Variants in PDCD6IP observed in about 807,000 individuals in gnomAD.
PDCD6IP encodes the protein programmed cell death 6-interacting protein.
PDCD6IP carries 43 observed loss-of-function variants against 103.7 expected under a neutral mutation model. The observed-to-expected ratio is 0.41, with a 90% CI of 0.32 to 0.53. The LOEUF is 0.53. Among genes scored for constraint, PDCD6IP ranks in the 20% least tolerant of loss-of-function variants. The probability of loss-of-function intolerance (pLI) is 0.16; values close to 1 mark genes in which losing one functional copy is unlikely to be tolerated. For synonymous variants in PDCD6IP, 354 were observed against 378.7 expected (o/e 0.93, Z 0.76); for missense variants, 871 against 1,036.7 (o/e 0.84, Z 2.20).
At chr3:33,853,311 A>G (rs1381554755) in intron 13 of PDCD6IP, among the ~76,000 whole-genome samples, 1 of 152,268 alleles carries the variant, frequency 6.6e-6, no homozygotes, top group Admixed American at 6.5e-5. Context: ...CAAGTTTTTA[A>G]TAGCTTTGGT....
chr3:33,853,357 G>C (rs552016469), intron 13 of PDCD6IP, among the ~76,000 whole-genome samples: 1 of 152,090 alleles, frequency 6.6e-6, no homozygotes, highest in African/African-American at 2.4e-5. Context: ...GAAATTAGTT[G>C]GAATTACTGA....
At chr3:33,808,722 CAGTCATGGTGACTGTATGAAAATA>C (rs1395081405) in intron 1 of PDCD6IP, among the ~76,000 whole-genome samples, 1 of 152,222 alleles carries the variant, frequency 6.6e-6, no homozygotes, top group African/African-American at 2.4e-5. Context: ...TTCTACACAA[CAGTCATGGTGACTGTATGAAAATA>C]AGTCATATTG....
intron 8 of PDCD6IP, among the ~76,000 whole-genome samples, chr3:33,836,564 A>G (rs1697352635): frequency 6.6e-6 from 1 of 152,148 alleles, no homozygotes; most frequent in South Asian, 2.1e-4. Flanking sequence ...CATTAAAAAT[A>G]AACAAATATG....
rs1020635337 is a variant in PDCD6IP, at chr3:33,867,273, T to G, written c.*748T>G. 2 of 152,252 alleles carry G rather than the reference T, an allele frequency of 1.3e-5. No homozygotes were observed. Among genetic ancestry groups the G allele is most frequent in the Non-Finnish European group, 2.9e-5 (2 of 68,036 alleles). The allele number at this position is 152,252 out of a possible 1,614,324, so 9.4% of individuals were successfully genotyped here. A position where few individuals can be genotyped will look rare whatever the true frequency, so the allele number is the denominator to read the frequency against. Reference sequence around the variant, plus strand: ...AACAAACAGTTGCTACCAAAGATTCTTCAAATAAACATACAAATAAATGTG... The same window carrying G: ...AACAAACAGTTGCTACCAAAGATTCGTCAAATAAACATACAAATAAATGTG... On this transcript the variant is annotated 3_prime_UTR_variant, in exon 18 of 18. Coordinates refer to ENST00000307296, the MANE Select transcript of PDCD6IP (RefSeq NM_013374.6).
chr3:33,807,674 G>T (rs763641172), intron 1 of PDCD6IP, among the ~76,000 whole-genome samples: 10 of 152,124 alleles, frequency 6.6e-5, no homozygotes, highest in Non-Finnish European at 1.3e-4. Flanking sequence ...CATCAGACAG[G>T]TACTTTTTCT....
At chr3:33,817,202 A>G (rs887138502) in intron 3 of PDCD6IP, among the ~76,000 whole-genome samples, 2 of 152,154 alleles carry the variant, frequency 1.3e-5, no homozygotes, top group East Asian at 1.9e-4. Flanking sequence ...GCTCCTTGGG[A>G]CACTCCTCAT....
At chr3:33,804,265 C>T (rs1696542808) in intron 1 of PDCD6IP, among the ~76,000 whole-genome samples, 1 of 152,188 alleles carries the variant, frequency 6.6e-6, no homozygotes, top group Non-Finnish European at 1.5e-5. Context: ...AGGTTCCGCA[C>T]AGGAAGAGGA....
intron 13 of PDCD6IP, 82 bp from the exon 14 acceptor site, chr3:33,853,797 A>T: frequency 2.6e-6 from 3 of 1,138,922 alleles, no homozygotes; most frequent in Non-Finnish European, 3.5e-6. Context: ...GATTTTCATA[A>T]TTGGAAAAGA....
chr3:33,864,781 T>C (rs1014463613), intron 16 of PDCD6IP, among the ~76,000 whole-genome samples: 3 of 152,252 alleles, frequency 2.0e-5, no homozygotes, highest in African/African-American at 7.2e-5. Flanking sequence ...CAAATGATTC[T>C]GCAAATATAT....
intron 6 of PDCD6IP, 184 bp from the exon 7 acceptor site, chr3:33,828,669 G>T: frequency 2.3e-6 from 1 of 440,560 alleles, no homozygotes; most frequent in Non-Finnish European, 3.8e-6. Context: ...TTAATTCATA[G>T]ATTTCAATCC....
At chr3:33,846,911 C>G (rs1328470974) in intron 12 of PDCD6IP, among the ~76,000 whole-genome samples, 1 of 152,160 alleles carries the variant, frequency 6.6e-6, no homozygotes, top group Admixed American at 6.5e-5. Flanking sequence ...AGAGTAAATG[C>G]ACAGGTACTG....
chr3:33,825,669 T>C (rs1697104953), intron 5 of PDCD6IP, among the ~76,000 whole-genome samples: 12 of 152,252 alleles, frequency 7.9e-5, no homozygotes, highest in Admixed American at 7.8e-4. Context: ...GTCACTGTTC[T>C]AGTTTCTAGA....
intron 15 of PDCD6IP, among the ~76,000 whole-genome samples, chr3:33,856,978 A>G (rs1697843026): frequency 6.6e-6 from 1 of 152,076 alleles, no homozygotes; most frequent in Non-Finnish European, 1.5e-5. Context: ...TCAGCCAACT[A>G]GATCTTTATT....
chr3:33,865,052 A>G (rs1474800743), intron 16 of PDCD6IP, among the ~76,000 whole-genome samples, 191 bp from the exon 17 acceptor site: 1 of 152,196 alleles, frequency 6.6e-6, no homozygotes, highest in Non-Finnish European at 1.5e-5. Context: ...GTGGCTATGG[A>G]GTTTCCACAG....
intron 1 of PDCD6IP, among the ~76,000 whole-genome samples, chr3:33,805,080 G>A (rs1696562879): frequency 6.6e-6 from 1 of 152,130 alleles, no homozygotes; most frequent in African/African-American, 2.4e-5. Context: ...TTTCCGGCCG[G>A]GTGTGGTGGC....
rs539362317 is a variant in PDCD6IP, at chr3:33,815,870, T to C, written c.334+2242T>C. ...AAAGATATACATTCGGGAACAATTA[T>C]TAGGTGATAATAAATTTATTCCTTC... is the stretch of plus-strand genomic sequence containing the variant. On this transcript the variant is annotated intron_variant, in intron 3 of 17. Coordinates refer to ENST00000307296, the MANE Select transcript of PDCD6IP (RefSeq NM_013374.6). Among the ~76,000 whole-genome samples the C allele has an allele frequency of 1.3e-4, 20 of 152,304 alleles. No homozygotes were observed. The East Asian group carries it at 3.7e-3, about 28-fold the overall frequency.
At position 33,800,119 on chromosome 3, in the gene PDCD6IP, C is replaced by CAAAAAAAAA. The variant is rs1173163869; in HGVS notation, c.209+1200_209+1208dup. ...TGGGCGACAGAGTGAGACTCCATCTCAAAAAAAAAAAAAAAAAAAAAAAAA... is the reference window on the plus strand; with the variant it reads ...TGGGCGACAGAGTGAGACTCCATCTCAAAAAAAAAAAAAAAAAAAAAAAAAAAAAAAAAA... On this transcript the variant is annotated intron_variant, in intron 1 of 17. Coordinates refer to ENST00000307296, the MANE Select transcript of PDCD6IP (RefSeq NM_013374.6). Among the ~76,000 whole-genome samples, 6 of 50,870 alleles carry CAAAAAAAAA rather than the reference C, an allele frequency of 1.2e-4. 1 individual carries two copies. The highest frequency in any genetic ancestry group is 2.2e-4 in the African/African-American group (3 of 13,488). The allele number at this position is 50,870 out of a possible 152,430, so 33.4% of individuals were successfully genotyped here.
At chr3:33,806,071 G>A (rs1194354033) in intron 1 of PDCD6IP, among the ~76,000 whole-genome samples, 1 of 151,998 alleles carries the variant, frequency 6.6e-6, no homozygotes. Context: ...ATGGGAATTT[G>A]TCCTGTACCT....
chr3:33,829,388 A>T (rs1204237628), intron 7 of PDCD6IP, among the ~76,000 whole-genome samples: 2 of 152,134 alleles, frequency 1.3e-5, no homozygotes, highest in Non-Finnish European at 2.9e-5. Flanking sequence ...GCCATGCTCC[A>T]GGAGTATGTG....
Sources: gnomAD v4.1 joint callset for allele counts (sites outside exome capture counted in the v4.1 genomes callset) on GRCh38, gnomAD v4.1.1 for gene constraint, MANE v1.5 for transcripts, NCBI Gene and HGNC (gene_info 2026-07-23, HGNC 2026-07-21) for gene names.